Variants in ATG4C observed in about 807,000 individuals in gnomAD.
ATG4C encodes the protein autophagy related 4C cysteine peptidase, also known as cysteine protease ATG4C.
In ATG4C, 56 loss-of-function variants were observed where a neutral mutation model predicts 57.6. The observed-to-expected ratio is 0.97, with a 90% CI of 0.78 to 1.21. ATG4C has a LOEUF of 1.21. Ranked by LOEUF, ATG4C falls within the 50% of genes most tolerant of loss-of-function variation. The probability of loss-of-function intolerance (pLI) is 0.00; values close to 1 mark genes in which losing one functional copy is unlikely to be tolerated. For synonymous variants in ATG4C, 157 were observed against 174.1 expected (o/e 0.90, Z 0.78); for missense variants, 595 against 529.8 (o/e 1.12, Z -1.21).
chr1:62,792,826 G>A (rs963484179), intron 1 of ATG4C, among the ~76,000 whole-genome samples: 2 of 151,918 alleles, frequency 1.3e-5, no homozygotes, highest in African/African-American at 4.8e-5. Flanking sequence ...TTGAACCCAA[G>A]TAGTAGCTGG....
rs1218132856 is a variant in ATG4C at position 62,829,153 on chromosome 1, A to C, written c.910A>C (p.Thr304Pro). 1.2e-6 allele frequency: 2 copies of C among 1,612,982 alleles called. No individual in the cohort carries two copies. Among genetic ancestry groups the C allele is most frequent in the Admixed American group, 3.3e-5 (2 of 59,962 alleles). The change falls in exon 7 of 11, where the codon ACC (threonine) becomes CCC (proline). Residue 304 changes from threonine (T) to proline (P), a missense_variant. Thr to Pro is a conservative substitution (Grantham distance 38). Transcript: ENST00000317868. ...TAGACTTGGTGGAGAAAGAACCAAC[A>C]CCGACTACTTAGAATTTGTGAAGGT... is the stretch of plus-strand genomic sequence containing the variant. ...PVRLGGERTN[T>P]DYLEFVKGIL... is the part of the protein sequence containing the mutation.
chr1:62,860,340 G>A (rs1241812697), intron 10 of ATG4C, among the ~76,000 whole-genome samples: 1 of 152,164 alleles, frequency 6.6e-6, no homozygotes, highest in Non-Finnish European at 1.5e-5. Context: ...AAATTGTATA[G>A]TAAATACTTA....
intron 3 of ATG4C, among the ~76,000 whole-genome samples, chr1:62,809,903 G>C (rs1665018913): frequency 6.6e-6 from 1 of 151,972 alleles, no homozygotes; most frequent in African/African-American, 2.4e-5. Flanking sequence ...AAATTTGAAG[G>C]TTCGATGATA....
At chr1:62,784,543 G>T (rs528679646) in intron 1 of ATG4C, among the ~76,000 whole-genome samples, 1 of 152,216 alleles carries the variant, frequency 6.6e-6, no homozygotes, top group Non-Finnish European at 1.5e-5. Context: ...GGTTTTCTTA[G>T]ATGTTGCAGG....
Position 62,821,169 on chromosome 1 carries a change from T to C in ATG4C, c.756T>C (p.Asp252=). The C allele has an allele frequency of 6.2e-7, 1 of 1,602,504 alleles. No homozygotes were observed. ...RKAVEEARHP[D]LQGITIYVAQ... is the part of the protein sequence containing the mutation. Reference sequence around the variant, plus strand: ...CAGTTGAAGAAGCAAGGCATCCTGATTTACAAGGAATAACTATTTATGTTG... The same window carrying C: ...CAGTTGAAGAAGCAAGGCATCCTGACTTACAAGGAATAACTATTTATGTTG... The change falls in exon 6 of 11, where the codon GAT becomes GAC. Residue 252 remains aspartate (D), a synonymous_variant. Coordinates refer to ENST00000317868, the MANE Select transcript of ATG4C (RefSeq NM_032852.4).
intron 10 of ATG4C, among the ~76,000 whole-genome samples, chr1:62,843,093 A>G (rs1476978202): frequency 6.6e-6 from 1 of 152,160 alleles, no homozygotes; most frequent in South Asian, 2.1e-4. Flanking sequence ...ATATGTTTAA[A>G]ACAGTAAAGC....
At chr1:62,826,442 AAG>A in intron 6 of ATG4C, among the ~76,000 whole-genome samples, 1 of 150,188 alleles carries the variant, frequency 6.7e-6, no homozygotes, top group South Asian at 2.1e-4. Context: ...TTCACCATGT[AAG>A]CCAGGATGGT....
At chr1:62,862,076 A>T (rs1173990035) in intron 10 of ATG4C, among the ~76,000 whole-genome samples, 1 of 152,212 alleles carries the variant, frequency 6.6e-6, no homozygotes, top group Non-Finnish European at 1.5e-5. Flanking sequence ...TAAACCTTTA[A>T]TATATTGTTA....
chr1:62,837,704 A>G (rs1209667728), intron 9 of ATG4C, among the ~76,000 whole-genome samples: 1 of 152,314 alleles, frequency 6.6e-6, no homozygotes, highest in East Asian at 1.9e-4. Flanking sequence ...GTGGGCATCT[A>G]GATTGGATGA....
intron 4 of ATG4C, 128 bp downstream of exon 4, chr1:62,816,936 T>A: frequency 2.6e-6 from 2 of 764,662 alleles, no homozygotes; most frequent in Non-Finnish European, 4.1e-6. Context: ...TGAGATTTTC[T>A]AAGGAGTTGT....
chr1:62,824,290 G>A (rs929507792), intron 6 of ATG4C, among the ~76,000 whole-genome samples: 3 of 152,180 alleles, frequency 2.0e-5, no homozygotes, highest in South Asian at 4.1e-4. Context: ...GGGTAAGAAT[G>A]CAATCTCTAT....
rs780464724 is a variant in ATG4C, at chr1:62,819,358, C to T, written c.725+23C>T. ...AAGGTAAAATTGTTTTAAAATCTTT[C>T]TTCTTGTGACAGAGGTCCTCAGGAT... is the stretch of plus-strand genomic sequence containing the variant. On this transcript the variant is annotated intron_variant, in intron 5 of 10. Transcript: ENST00000317868. 55 of 1,543,206 alleles carry T rather than the reference C, an allele frequency of 3.6e-5. 1 individual carries two copies. The East Asian group carries it at 1.2e-3, about 35-fold the overall frequency.
chr1:62,843,653 A>G (rs1048633209), intron 10 of ATG4C, among the ~76,000 whole-genome samples: 3 of 152,296 alleles, frequency 2.0e-5, no homozygotes, highest in African/African-American at 7.2e-5. Context: ...TCCTTATGCT[A>G]TATGATTTTA....
chr1:62,810,057 C>T (rs776339212), intron 3 of ATG4C, among the ~76,000 whole-genome samples: 7 of 152,050 alleles, frequency 4.6e-5, no homozygotes, highest in Non-Finnish European at 8.8e-5. Context: ...ATTTCTAAGA[C>T]GCTTAAGTAT....
chr1:62,792,622 G>A (rs558285446), intron 1 of ATG4C, among the ~76,000 whole-genome samples: 3 of 152,260 alleles, frequency 2.0e-5, no homozygotes, highest in Non-Finnish European at 4.4e-5. Flanking sequence ...AACAGTTATG[G>A]ATGCTCTAGA....
intron 1 of ATG4C, among the ~76,000 whole-genome samples, chr1:62,796,017 G>C (rs1206914551): frequency 6.6e-6 from 1 of 151,964 alleles, no homozygotes; most frequent in African/African-American, 2.4e-5. Flanking sequence ...TTAATCACTG[G>C]GGCAGTGAAA....
chr1:62,827,676 A>G (rs1221162051), intron 6 of ATG4C, among the ~76,000 whole-genome samples: 1 of 152,070 alleles, frequency 6.6e-6, no homozygotes, highest in Non-Finnish European at 1.5e-5. Context: ...CTTTTATTTT[A>G]GGTTCAGGGG....
At chr1:62,793,918 T>C (rs1431688872) in intron 1 of ATG4C, among the ~76,000 whole-genome samples, 1 of 152,200 alleles carries the variant, frequency 6.6e-6, no homozygotes, top group Non-Finnish European at 1.5e-5. Context: ...CGTGAGTTAA[T>C]ATTAAGAGCT....
chr1:62,821,937 C>T (rs12090494), intron 6 of ATG4C, among the ~76,000 whole-genome samples: 1 of 152,102 alleles, frequency 6.6e-6, no homozygotes, highest in South Asian at 2.1e-4. Context: ...CCATCACATG[C>T]AGTCACATGT....
Sources: gnomAD v4.1 joint callset for allele counts (sites outside exome capture counted in the v4.1 genomes callset) on GRCh38, gnomAD v4.1.1 for gene constraint, MANE v1.5 for transcripts, NCBI Gene and HGNC (gene_info 2026-07-23, HGNC 2026-07-21) for gene names.